SLC1A2: variants seen among roughly 807,000 people sequenced by gnomAD.
The protein encoded by SLC1A2 is excitatory amino acid transporter 2.
In SLC1A2, 15 loss-of-function variants were observed where a neutral mutation model predicts 48.8. The observed-to-expected ratio is 0.31, with a 90% CI of 0.21 to 0.47. SLC1A2 has a LOEUF of 0.47. SLC1A2 is among the 20% of genes least tolerant of loss of function. The pLI is 0.99. For missense variants in SLC1A2, 502 were observed against 730.5 expected, an observed-to-expected ratio of 0.69 and a Z score of 3.61; for synonymous variants, 279 against 272.6, an observed-to-expected ratio of 1.02 and a Z score of -0.23.
At chr11:35,289,064 T>C (rs1180750865) in intron 7 of SLC1A2, among the ~76,000 whole-genome samples, 1 of 152,226 alleles carries the variant, frequency 6.6e-6, no homozygotes, top group African/African-American at 2.4e-5. Flanking sequence ...TTGCTAATAA[T>C]AACTGTCAGA....
chr11:35,366,296 T>C (rs1570225), intron 1 of SLC1A2, among the ~76,000 whole-genome samples: 146,009 of 152,314 alleles, frequency 0.96, 70,041 homozygotes, highest in East Asian at 1. Context: ...GTCCCTCCTC[T>C]CTGTCCCTCT....
chr11:35,364,602 C>A (rs932743223), intron 1 of SLC1A2, among the ~76,000 whole-genome samples: 7 of 152,174 alleles, frequency 4.6e-5, no homozygotes, highest in African/African-American at 1.7e-4. Context: ...AGTTTGAATA[C>A]CACTCACTAA....
At chr11:35,378,965 ATGCC>A (rs1271325485) in intron 1 of SLC1A2, among the ~76,000 whole-genome samples, 1 of 152,220 alleles carries the variant, frequency 6.6e-6, no homozygotes, top group Non-Finnish European at 1.5e-5. Context: ...GCAGTGACTC[ATGCC>A]TGTAATCCCA....
At chr11:35,279,312 G>A (rs146985050) in intron 9 of SLC1A2, among the ~76,000 whole-genome samples, 122 of 152,324 alleles carry the variant, frequency 8.0e-4, no homozygotes, top group African/African-American at 2.8e-3. Flanking sequence ...AAGACCATCT[G>A]GTTAGACTTT....
In SLC1A2 at chr11:35,419,032, G is replaced by A. The variant is rs1054320554; in HGVS notation, c.-66C>T. 13 of 1,449,626 alleles carry A rather than the reference G, an allele frequency of 9.0e-6. No homozygotes were observed. The African/African-American group carries it at 1.9e-4, about 21-fold the overall frequency. The allele number at this position is 1,449,626 out of a possible 1,614,324, so 89.8% of individuals were successfully genotyped here. On this transcript the variant is annotated 5_prime_UTR_variant, in exon 1 of 11. Transcript: ENST00000278379. This position sits in a 1 kb window ranked among gnomAD's most constrained non-coding sequence, Gnocchi z 5.4. ...GCTGTGGGCGAGGGAGAAAGCGGAC[G>A]CCGGGGTGAGCGCGAAGTGCGGCCG... is the stretch of plus-strand genomic sequence containing the variant.
At chr11:35,361,296 T>C (rs1483602034) in intron 1 of SLC1A2, among the ~76,000 whole-genome samples, 1 of 152,192 alleles carries the variant, frequency 6.6e-6, no homozygotes, top group East Asian at 1.9e-4. Flanking sequence ...TGAAGAAACA[T>C]TCAACTTTGC....
chr11:35,410,496 T>C (rs534925764), intron 1 of SLC1A2, among the ~76,000 whole-genome samples: 8 of 152,338 alleles, frequency 5.3e-5, no homozygotes, highest in Middle Eastern at 3.4e-3. Context: ...AGACTCATTA[T>C]TTTATTATCT....
chr11:35,312,810 T>C (rs1232582866), intron 3 of SLC1A2, among the ~76,000 whole-genome samples: 1 of 144,802 alleles, frequency 6.9e-6, no homozygotes, highest in Non-Finnish European at 1.6e-5. Context: ...GTATTTTTTA[T>C]TAGTTTTTTT....
At chr11:35,305,046 C>T (rs1185030123) in intron 5 of SLC1A2, among the ~76,000 whole-genome samples, 4 of 152,182 alleles carry the variant, frequency 2.6e-5, no homozygotes, top group African/African-American at 9.7e-5. Context: ...GATAAATAAA[C>T]ATACTTCATC....
intron 1 of SLC1A2, among the ~76,000 whole-genome samples, chr11:35,375,033 A>G (rs563001936): frequency 1.3e-5 from 2 of 152,376 alleles, no homozygotes; most frequent in East Asian, 3.8e-4. Context: ...AATGGCATAT[A>G]GCAACATTGT....
At chr11:35,372,414 A>G (rs1479341740) in intron 1 of SLC1A2, among the ~76,000 whole-genome samples, 1 of 152,202 alleles carries the variant, frequency 6.6e-6, no homozygotes, top group Non-Finnish European at 1.5e-5. Flanking sequence ...GACAACTCCC[A>G]AAGCTAGATT....
At chr11:35,294,664 T>C (rs1443914395) in intron 6 of SLC1A2, among the ~76,000 whole-genome samples, 2 of 152,178 alleles carry the variant, frequency 1.3e-5, no homozygotes, top group Non-Finnish European at 2.9e-5. Flanking sequence ...CAATTTTCCT[T>C]CTCTCCTGGG....
chr11:35,309,901 T>C (rs375785122), intron 4 of SLC1A2, among the ~76,000 whole-genome samples: 4 of 152,180 alleles, frequency 2.6e-5, no homozygotes, highest in African/African-American at 9.7e-5. Flanking sequence ...CTGAGCCTAC[T>C]GAGGGACCAA....
chr11:35,314,877 C>A, intron 3 of SLC1A2, 146 bp downstream of exon 3: 1 of 523,118 alleles, frequency 1.9e-6, no homozygotes, highest in Non-Finnish European at 3.5e-6. Flanking sequence ...TGATTATCCT[C>A]ATTTCAGAGA....
intron 1 of SLC1A2, among the ~76,000 whole-genome samples, chr11:35,402,421 C>A (rs2135274970): frequency 6.6e-6 from 1 of 152,268 alleles, no homozygotes; most frequent in African/African-American, 2.4e-5. Flanking sequence ...GGGAGGGTGG[C>A]CCACCCAGAG....
intron 1 of SLC1A2, among the ~76,000 whole-genome samples, chr11:35,402,382 C>T (rs960130876): frequency 7.2e-5 from 11 of 152,164 alleles, no homozygotes; most frequent in Admixed American, 2.0e-4. Flanking sequence ...GTCTGAAAAA[C>T]TTCAGGTTGG....
At chr11:35,341,464 C>T (rs1187122487) in intron 1 of SLC1A2, among the ~76,000 whole-genome samples, 1 of 152,154 alleles carries the variant, frequency 6.6e-6, no homozygotes, top group African/African-American at 2.4e-5. Flanking sequence ...TGATGTTCCG[C>T]TTCCTAAAGT....
chr11:35,370,189 A>G (rs1180121308), intron 1 of SLC1A2, among the ~76,000 whole-genome samples: 1 of 152,216 alleles, frequency 6.6e-6, no homozygotes, highest in African/African-American at 2.4e-5. Flanking sequence ...TTGATGTGGA[A>G]ATACAGTGTT....
intron 1 of SLC1A2, among the ~76,000 whole-genome samples, chr11:35,326,601 CT>C (rs1488526869): frequency 6.6e-6 from 1 of 152,166 alleles, no homozygotes; most frequent in Non-Finnish European, 1.5e-5. Flanking sequence ...TTTTTTCTTC[CT>C]TCTAGACTGA....
Sources: allele counts gnomAD v4.1 joint callset (sites outside exome capture counted in the v4.1 genomes callset), GRCh38; gene constraint gnomAD v4.1.1; non-coding constraint Gnocchi (gnomAD v3.1); transcripts MANE v1.5; gene names NCBI Gene and HGNC (gene_info 2026-07-23, HGNC 2026-07-21).